Variants in CRBN observed in about 807,000 individuals in gnomAD.
CRBN encodes the protein cereblon.
Under a neutral mutation model 62.2 loss-of-function variants are expected in CRBN, and 53 were observed. That is an observed-to-expected ratio of 0.85 (90% CI 0.68 to 1.07). CRBN has a LOEUF of 1.07. Among genes scored for constraint, CRBN ranks in the 50% least tolerant of loss-of-function variants. CRBN has a pLI of 0.00. For missense variants in CRBN, 616 were observed against 531.1 expected, an observed-to-expected ratio of 1.16 and a Z score of -1.57; for synonymous variants, 208 against 176.1, an observed-to-expected ratio of 1.18 and a Z score of -1.43.
At chr3:3,153,836 T>C (rs1575081201) in intron 8 of CRBN, 124 bp downstream of exon 8, 1 of 698,672 alleles carries the variant, frequency 1.4e-6, no homozygotes, top group Non-Finnish European at 2.6e-6. Context: ...AGATCCCAAT[T>C]GAAATCTGAA....
intron 5 of CRBN, among the ~76,000 whole-genome samples, chr3:3,162,533 C>G (rs1215304811): frequency 9.2e-5 from 14 of 152,146 alleles, no homozygotes; most frequent in Admixed American, 8.5e-4. Flanking sequence ...GCTGAATCTT[C>G]TCTAATGCTT....
chr3:3,157,611 G>A (rs538978481), intron 5 of CRBN, among the ~76,000 whole-genome samples: 2 of 152,090 alleles, frequency 1.3e-5, no homozygotes, highest in Non-Finnish European at 2.9e-5. Flanking sequence ...TGCAAGTGCC[G>A]GAGTAAGATC....
chr3:3,176,520 GA>G (rs1707829002), intron 1 of CRBN, among the ~76,000 whole-genome samples: 2 of 152,172 alleles, frequency 1.3e-5, no homozygotes, highest in African/African-American at 4.8e-5. Context: ...CAGATCACTT[GA>G]GGTCAGGAGT....
At position 3,174,115 on chromosome 3, in the gene CRBN, G is replaced by A. The variant is rs750140253; in HGVS notation, c.321C>T (p.Val107=). 1.2e-6 allele frequency: 2 copies of A among 1,614,158 alleles called. No homozygotes were observed. The highest frequency in any genetic ancestry group is 1.7e-6 in the Non-Finnish European group (2 of 1,180,030). ...LPLQLFHPQE[V]SMVRNLIQKD... is the part of the protein sequence containing the mutation. Reference sequence around the variant, plus strand: ...TCTGAATTAAATTCCGCACCATACTGACTTCTTGAGGGTGAAAAAGCTGAA... The same window carrying A: ...TCTGAATTAAATTCCGCACCATACTAACTTCTTGAGGGTGAAAAAGCTGAA... The change falls in exon 3 of 11, where the codon GTC becomes GTT. Residue 107 remains valine, a synonymous_variant. Transcript: ENST00000231948.
rs781294762 is a variant in CRBN, at chr3:3,150,966, A to T, written c.1228T>A (p.Ser410Thr). 3 of 1,614,094 alleles carry T rather than the reference A, an allele frequency of 1.9e-6. No individual in the cohort carries two copies. The highest frequency in any genetic ancestry group is 2.2e-5 in the East Asian group (1 of 44,870). Residue 410 changes from serine (S) to threonine (T), a missense_variant, in exon 11 of 11, where the codon TCA becomes ACA. Transcript: ENST00000231948. Reference sequence around the variant, plus strand: ...GTTAAGCCCCAAAATTTTTGAGGTGACATGTCTTTTTTGGTGGCCGTAAAC... The same window carrying T: ...GTTAAGCCCCAAAATTTTTGAGGTGTCATGTCTTTTTTGGTGGCCGTAAAC... ...WKFTATKKDM[S>T]PQKFWGLTRS...
At chr3:3,151,296 T>C (rs934146606) in intron 10 of CRBN, among the ~76,000 whole-genome samples, 26 of 152,134 alleles carry the variant, frequency 1.7e-4, no homozygotes, top group African/African-American at 6.3e-4. Flanking sequence ...AAATAAAGAG[T>C]AATCTTAAGA....
rs199871359 is a variant in CRBN, at chr3:3,170,301, A to C, written c.527+2475T>G. Among the ~76,000 whole-genome samples the C allele has an allele frequency of 2.1e-4, 32 of 152,296 alleles. No individual in the cohort carries two copies. In the East Asian group the frequency reaches 5.6e-3, roughly 27 times the overall value. On this transcript the variant is annotated intron_variant, in intron 4 of 10. Coordinates refer to ENST00000231948, the MANE Select transcript of CRBN (RefSeq NM_016302.4). ...TGGCCTCTGTAGTGTACTTTTAATA[A>C]ATGAAGTGTCATTTAGGTAAAAGAT...
At chr3:3,172,457 C>A in intron 4 of CRBN, 1 of 345,038 alleles carries the variant, frequency 2.9e-6, no homozygotes, top group Non-Finnish European at 5.4e-6. Context: ...CAACACTTCC[C>A]TTTGGATTTA....
Position 3,154,765 on chromosome 3 carries a change from G to T in CRBN, c.817C>A (p.Leu273Ile). The T allele has an allele frequency of 6.3e-7, 1 of 1,596,122 alleles. No homozygotes were observed. Among genetic ancestry groups the T allele is most frequent in the Non-Finnish European group, 8.6e-7 (1 of 1,163,806 alleles). The part of the protein sequence containing the change: ...EWDENLKDDS[L>I]PSNPIDFSYR... ...TTCATACCTATTGGATTTGAAGGAA[G>T]AGAATCATCTTTTAGATTTTCATCC... Residue 273 changes from leucine (L) to isoleucine (I), a missense_variant, in exon 7 of 11, where the codon CTT (leucine) becomes ATT (isoleucine). Coordinates refer to ENST00000231948, the MANE Select transcript of CRBN (RefSeq NM_016302.4).
intron 9 of CRBN, 118 bp downstream of exon 9, chr3:3,153,306 C>G: frequency 1.5e-6 from 1 of 672,294 alleles, no homozygotes; most frequent in Admixed American, 2.4e-5. Flanking sequence ...CCCTATATTT[C>G]ATTTGCTAAA....
chr3:3,160,299 T>C (rs542496656), intron 5 of CRBN, among the ~76,000 whole-genome samples: 4 of 152,250 alleles, frequency 2.6e-5, no homozygotes, highest in Non-Finnish European at 5.9e-5. Context: ...ACTTCCTTTA[T>C]ATAGTGACTA....
At chr3:3,157,013 A>C (rs1706921344) in intron 5 of CRBN, among the ~76,000 whole-genome samples, 1 of 152,224 alleles carries the variant, frequency 6.6e-6, no homozygotes, top group Non-Finnish European at 1.5e-5. Context: ...TACTGTTAAG[A>C]TGTCAGTCCT....
At chr3:3,161,354 C>T (rs1707131910) in intron 5 of CRBN, among the ~76,000 whole-genome samples, 1 of 152,184 alleles carries the variant, frequency 6.6e-6, no homozygotes, top group Non-Finnish European at 1.5e-5. Context: ...ATTGAACCTT[C>T]AATGTAATAT....
chr3:3,174,638 C>T (rs1243402236), intron 2 of CRBN, among the ~76,000 whole-genome samples: 1 of 150,908 alleles, frequency 6.6e-6, no homozygotes, highest in Non-Finnish European at 1.5e-5. Flanking sequence ...GAGCAACACT[C>T]TGTCTCAAAA....
At chr3:3,178,023 A>G (rs967102468) in intron 1 of CRBN, among the ~76,000 whole-genome samples, 1 of 152,088 alleles carries the variant, frequency 6.6e-6, no homozygotes. Context: ...CAAACAAAAA[A>G]AAAACAAACA....
chr3:3,150,697 A>C lies in CRBN; in HGVS notation c.*168T>G. 1.5e-6 allele frequency: 1 copy of C among 657,146 alleles called. No homozygotes were observed. Among genetic ancestry groups the C allele is most frequent in the Admixed American group, 2.9e-5 (1 of 34,608 alleles). The allele number at this position is 657,146 out of a possible 1,614,324, so 40.7% of individuals were successfully genotyped here. Reference sequence around the variant, plus strand: ...TGCTTGTTTCCTAAAGTATACTTAAAAGTTTCAAATACAGTTTCACTTAGA... The same window carrying C: ...TGCTTGTTTCCTAAAGTATACTTAACAGTTTCAAATACAGTTTCACTTAGA... On this transcript the variant is annotated 3_prime_UTR_variant, in exon 11 of 11. Transcript: ENST00000231948.
intron 1 of CRBN, among the ~76,000 whole-genome samples, chr3:3,177,512 C>G (rs552354593): frequency 1.5e-4 from 23 of 152,270 alleles, no homozygotes; most frequent in Admixed American, 1.3e-3. Context: ...AAAAAAAGAG[C>G]TATCTAAATG....
Position 3,156,237 on chromosome 3 carries a change from C to T in CRBN, c.732G>A (p.Leu244=). The T allele has an allele frequency of 6.2e-7, 1 of 1,613,752 alleles. No individual in the cohort carries two copies. The highest frequency in any genetic ancestry group is 1.3e-5 in the African/African-American group (1 of 75,008). The stretch of plus-strand genomic sequence containing the variant: ...TACTTACAGCATCATATAAGGAATA[C>T]AGCCAGCGAGGCCATGAAGTTAGAT... ...CANLTSWPRW[L]YSLYDAETLM... Residue 244 remains leucine, a synonymous_variant, in exon 6 of 11, where the codon CTG becomes CTA. Coordinates refer to ENST00000231948, the MANE Select transcript of CRBN (RefSeq NM_016302.4).
chr3:3,150,978 T>G lies in CRBN; in HGVS notation c.1216A>C (p.Lys406Gln). 6.2e-7 allele frequency: 1 copy of G among 1,614,088 alleles called. No homozygotes were observed. The highest frequency in any genetic ancestry group is 8.5e-7 in the Non-Finnish European group (1 of 1,179,996). ...AATTTTTGAGGTGACATGTCTTTTT[T>G]GGTGGCCGTAAACTTCCATCCAATA... ...SHIGWKFTAT[K>Q]KDMSPQKFWG... Residue 406 changes from lysine (K) to glutamine (Q), a missense_variant, in exon 11 of 11, where the codon AAA becomes CAA. Transcript: ENST00000231948.
Sources: gnomAD v4.1 joint callset for allele counts (sites outside exome capture counted in the v4.1 genomes callset) on GRCh38, gnomAD v4.1.1 for gene constraint, MANE v1.5 for transcripts, NCBI Gene and HGNC (gene_info 2026-07-23, HGNC 2026-07-21) for gene names.